IGSF21: variants seen among roughly 807,000 people sequenced by gnomAD.
IGSF21 encodes the protein immunoglobin superfamily member 21, also known as immunoglobulin superfamily member 21.
A neutral mutation model predicts 46.8 loss-of-function variants in IGSF21; 28 were observed. The ratio of observed to expected loss-of-function variants is 0.60; its 90% confidence interval spans 0.44 to 0.82. The LOEUF is 0.82. Among genes scored for constraint, IGSF21 ranks in the 40% least tolerant of loss-of-function variants. The pLI, the probability that IGSF21 is intolerant of heterozygous loss-of-function variation, is 0.00. For synonymous variants in IGSF21, 284 were observed against 273.6 expected, an observed-to-expected ratio of 1.04 and a Z score of -0.38; for missense variants, 624 against 665.5, an observed-to-expected ratio of 0.94 and a Z score of 0.69.
chr1:18,225,083 TCTCACACACACACACACACACACACA>T (rs2084550395), intron 1 of IGSF21, among the ~76,000 whole-genome samples: 1 of 54,858 alleles, frequency 1.8e-5, no homozygotes, highest in African/African-American at 5.8e-5. Flanking sequence ...TCTCTCTCTC[TCTCACACACACACACACACACACACA>T]CACACACACA....
intron 2 of IGSF21, among the ~76,000 whole-genome samples, chr1:18,228,298 G>A (rs1036769139): frequency 1.3e-5 from 2 of 152,190 alleles, no homozygotes; most frequent in African/African-American, 4.8e-5. Flanking sequence ...GAACACCCTG[G>A]ACCCTGGGCA....
chr1:18,332,403 A>G (rs759475800), intron 3 of IGSF21, among the ~76,000 whole-genome samples: 5 of 152,080 alleles, frequency 3.3e-5, no homozygotes, highest in Non-Finnish European at 5.9e-5. Context: ...TGTCTTTATA[A>G]CCAACACCTA....
chr1:18,353,959 C>T (rs557651829), intron 4 of IGSF21, among the ~76,000 whole-genome samples: 5 of 152,328 alleles, frequency 3.3e-5, no homozygotes, highest in African/African-American at 1.2e-4. Flanking sequence ...TGAAATTGAA[C>T]TCCTATTGCA....
chr1:18,141,444 T>C (rs2086414460), intron 1 of IGSF21, among the ~76,000 whole-genome samples: 2 of 152,140 alleles, frequency 1.3e-5, no homozygotes, highest in Non-Finnish European at 2.9e-5. Context: ...GGGTTGGCTG[T>C]CATCAAGTTC....
intron 1 of IGSF21, among the ~76,000 whole-genome samples, chr1:18,172,553 C>T (rs2086748551): frequency 6.6e-6 from 1 of 152,226 alleles, no homozygotes; most frequent in Admixed American, 6.5e-5. Context: ...TGGGACTTCA[C>T]ATGGCCTTTC....
At chr1:18,357,008 GGGATAGAAATAGGAATGGAGATGA>G (rs1348933358) in intron 4 of IGSF21, among the ~76,000 whole-genome samples, 1 of 151,816 alleles carries the variant, frequency 6.6e-6, no homozygotes, top group Non-Finnish European at 1.5e-5. Flanking sequence ...AGTGGAGATG[GGGATAGAAATAGGAATGGAGATGA>G]GGATGGGGAA....
At chr1:18,348,499 G>A (rs1181105989) in intron 4 of IGSF21, among the ~76,000 whole-genome samples, 1 of 152,208 alleles carries the variant, frequency 6.6e-6, no homozygotes, top group East Asian at 1.9e-4. Context: ...ACCCCTGGGA[G>A]CTGGATTTAG....
intron 3 of IGSF21, among the ~76,000 whole-genome samples, chr1:18,326,625 T>C (rs1479165863): frequency 6.6e-6 from 1 of 152,224 alleles, no homozygotes; most frequent in Non-Finnish European, 1.5e-5. Flanking sequence ...CAAAATGCTT[T>C]TTAAATCGGG....
At chr1:18,188,801 ACTCAT>A (rs2086928131) in intron 1 of IGSF21, among the ~76,000 whole-genome samples, 1 of 152,154 alleles carries the variant, frequency 6.6e-6, no homozygotes, top group African/African-American at 2.4e-5. Flanking sequence ...TTGATCAAGG[ACTCAT>A]AGCCAGACGT....
chr1:18,192,420 G>A (rs2086966646), intron 1 of IGSF21, among the ~76,000 whole-genome samples: 1 of 152,210 alleles, frequency 6.6e-6, no homozygotes, highest in African/African-American at 2.4e-5. Context: ...AGAATTAATG[G>A]AAGTACTCGA....
At chr1:18,242,156 A>C (rs184725568) in intron 2 of IGSF21, among the ~76,000 whole-genome samples, 3 of 152,132 alleles carry the variant, frequency 2.0e-5, no homozygotes, top group Non-Finnish European at 4.4e-5. Flanking sequence ...AACAGCTTCC[A>C]CCCTGCAGAG....
rs1341852653 is a variant in IGSF21, at chr1:18,257,937, C to T, written c.183+29927C>T. On this transcript the variant is annotated intron_variant, in intron 2 of 9. Coordinates refer to ENST00000251296, the MANE Select transcript of IGSF21 (RefSeq NM_032880.5). The stretch of plus-strand genomic sequence containing the variant: ...GGCAAGGGGCCCCCTGCTGCAGTCT[C>T]CCACTCAAAAGTGAGTGATGCTCTT... Among the ~76,000 whole-genome samples the T allele has an allele frequency of 7.2e-5, 11 of 152,194 alleles. 1 individual carries two copies. The East Asian group carries it at 2.1e-3, about 29-fold the overall frequency.
intron 2 of IGSF21, among the ~76,000 whole-genome samples, chr1:18,276,394 CT>C (rs1455008352): frequency 6.6e-6 from 1 of 152,172 alleles, no homozygotes; most frequent in Non-Finnish European, 1.5e-5. Flanking sequence ...AATGGGATGT[CT>C]TAAGCAGCAG....
intron 3 of IGSF21, among the ~76,000 whole-genome samples, chr1:18,305,469 A>AGATGGATGGATGGATGGAT (rs1270298414): frequency 7.6e-6 from 1 of 131,010 alleles, no homozygotes; most frequent in Non-Finnish European, 1.6e-5. Context: ...CATGGATGAC[A>AGATGGATGGATGGATGGAT]GATGGATGGA....
In IGSF21 at chr1:18,273,462, C is replaced by CTCTCTT. The variant is rs767013694; in HGVS notation, c.184-18401_184-18400insCTTTCT. 3.1e-4 allele frequency among the ~76,000 whole-genome samples: 19 copies of CTCTCTT among 61,930 alleles called. 1 individual carries two copies. Among genetic ancestry groups the CTCTCTT allele is most frequent in the Non-Finnish European group, 5.2e-4 (18 of 34,934 alleles). The allele number at this position is 61,930 out of a possible 152,430, so 40.6% of individuals were successfully genotyped here. A position where few individuals can be genotyped will look rare whatever the true frequency, so the allele number is the denominator to read the frequency against. On this transcript the variant is annotated intron_variant, in intron 2 of 9. Transcript: ENST00000251296. ...TCTTTCTCACTTTCTTTCTTTCTCT[C>CTCTCTT]TCTTTCTTTCTTTCTTTCTTTCTTT...
At chr1:18,193,522 C>T (rs974236525) in intron 1 of IGSF21, among the ~76,000 whole-genome samples, 1 of 152,176 alleles carries the variant, frequency 6.6e-6, no homozygotes, top group African/African-American at 2.4e-5. Context: ...ACTTGGAGTC[C>T]TATGCTCGAG....
At chr1:18,146,576 A>G (rs2086468914) in intron 1 of IGSF21, among the ~76,000 whole-genome samples, 1 of 151,924 alleles carries the variant, frequency 6.6e-6, no homozygotes, top group Non-Finnish European at 1.5e-5. Context: ...CCACACCTCC[A>G]CTCCCTTAGG....
At chr1:18,250,874 T>C (rs975725864) in intron 2 of IGSF21, among the ~76,000 whole-genome samples, 1 of 152,148 alleles carries the variant, frequency 6.6e-6, no homozygotes, top group Non-Finnish European at 1.5e-5. Flanking sequence ...ATTAATTAAT[T>C]AGCAAGAAAA....
chr1:18,209,999 T>C (rs1302763673), intron 1 of IGSF21, among the ~76,000 whole-genome samples: 1 of 152,008 alleles, frequency 6.6e-6, no homozygotes, highest in African/African-American at 2.4e-5. Flanking sequence ...CTCCATTCAA[T>C]GAGACGTCTA....
Sources: gnomAD v4.1 joint callset for allele counts (sites outside exome capture counted in the v4.1 genomes callset) on GRCh38, gnomAD v4.1.1 for gene constraint, MANE v1.5 for transcripts, NCBI Gene and HGNC (gene_info 2026-07-23, HGNC 2026-07-21) for gene names.